BRINP1: variants seen among roughly 807,000 people sequenced by gnomAD.
BRINP1 encodes the protein BMP/retinoic acid inducible neural specific 1.
BRINP1 carries 17 observed loss-of-function variants against 72.9 expected under a neutral mutation model. The observed-to-expected ratio is 0.23, with a 90% CI of 0.16 to 0.35. The LOEUF is 0.35. Ranked by LOEUF, BRINP1 falls within the 10% of genes least tolerant of loss-of-function variation. BRINP1 has a pLI of 1.00. For missense variants in BRINP1, 850 were observed against 1,001.6 expected (o/e 0.85, Z 2.04); for synonymous variants, 418 against 378.5 (o/e 1.10, Z -1.21).
intron 5 of BRINP1, among the ~76,000 whole-genome samples, chr9:119,224,558 C>T (rs888946555): frequency 1.5e-4 from 23 of 152,116 alleles, no homozygotes; most frequent in East Asian, 3.9e-4. Context: ...TGTGTGGTAA[C>T]GAATAACCTC....
rs751225958 is a variant in BRINP1 at position 119,167,598 on chromosome 9, C to T, written c.1772G>A (p.Arg591His). The change falls in exon 8 of 8, where the codon CGT (arginine) becomes CAT (histidine). Residue 591 changes from arginine (R) to histidine (H), a missense_variant. Transcript: ENST00000265922. The surrounding 1 kb of genome is among the most constrained non-coding windows in gnomAD (Gnocchi z 4.3). ...GTTGTAGCACTGGCTGTTTTGGAGA[C>T]GGATCTTCTCCCAGCGTGGGTAGCC... is the stretch of plus-strand genomic sequence containing the variant. ...EFGYPRWEKIRLQNSQCYNWT... is the reference protein window; with the variant it reads ...EFGYPRWEKIHLQNSQCYNWT... 4.0e-5 allele frequency: 64 copies of T among 1,614,008 alleles called. No homozygotes were observed. The highest frequency in any genetic ancestry group is 4.7e-5 in the Non-Finnish European group (56 of 1,180,034).
At chr9:119,351,839 C>A (rs2119033390) in intron 1 of BRINP1, among the ~76,000 whole-genome samples, 1 of 151,054 alleles carries the variant, frequency 6.6e-6, no homozygotes, top group Non-Finnish European at 1.5e-5. Flanking sequence ...ATTTTTGGGA[C>A]AGAGTCTCAC....
intron 6 of BRINP1, among the ~76,000 whole-genome samples, chr9:119,211,375 T>G (rs1364242251): frequency 6.6e-6 from 1 of 152,112 alleles, no homozygotes; most frequent in Non-Finnish European, 1.5e-5. Flanking sequence ...TTTTGTAGTT[T>G]TAGTAGAGAC....
chr9:119,181,673 C>T (rs1343197310), intron 7 of BRINP1, among the ~76,000 whole-genome samples: 1 of 152,038 alleles, frequency 6.6e-6, no homozygotes, highest in African/African-American at 2.4e-5. Flanking sequence ...CTAAAACAGC[C>T]CAGTTGATCA....
rs773765362 is a variant in BRINP1 at position 119,167,765 on chromosome 9, C to G, written c.1605G>C (p.Met535Ile). Residue 535 changes from methionine to isoleucine, a missense_variant, in exon 8 of 8, where the codon ATG (methionine) becomes ATC (isoleucine). Transcript: ENST00000265922. The surrounding 1 kb of genome is among the most constrained non-coding windows in gnomAD (Gnocchi z 4.3). Reference protein sequence around the residue: ...SLTLKSNKNRMDFIHMVIGMS... With the variant: ...SLTLKSNKNRIDFIHMVIGMS... ...TGCCGATCACCATGTGGATGAAGTC[C>G]ATGCGGTTCTTGTTGCTCTTGAGAG... 1.2e-6 allele frequency: 2 copies of G among 1,614,110 alleles called. No individual in the cohort carries two copies. The highest frequency in any genetic ancestry group is 3.3e-5 in the Admixed American group (2 of 60,006).
chr9:119,313,049 T>G lies in BRINP1; in HGVS notation c.218+89A>C, dbSNP rs1250843556. On this transcript the variant is annotated intron_variant, in intron 2 of 7. Transcript: ENST00000265922. The stretch of plus-strand genomic sequence containing the variant: ...CACAGACCCTTGACCCAGACACTTC[T>G]GCACACAGCAAGGTTTGCACCAATC... 1.2e-5 allele frequency: 17 copies of G among 1,445,402 alleles called. No individual in the cohort carries two copies. The Admixed American group carries it at 3.5e-4, about 30-fold the overall frequency. 89.5% of individuals were successfully genotyped at this position (1,445,402 alleles called of 1,614,324 possible). A position where few individuals can be genotyped will look rare whatever the true frequency, so the allele number is the denominator to read the frequency against.
intron 1 of BRINP1, among the ~76,000 whole-genome samples, chr9:119,326,289 C>T (rs1280323228): frequency 2.0e-5 from 3 of 152,132 alleles, no homozygotes; most frequent in Non-Finnish European, 2.9e-5. Context: ...CACATCATCC[C>T]TAATTGTAGT....
intron 7 of BRINP1, among the ~76,000 whole-genome samples, chr9:119,179,022 A>G (rs2118835629): frequency 6.6e-6 from 1 of 152,258 alleles, no homozygotes; most frequent in African/African-American, 2.4e-5. Flanking sequence ...ACAAGTGCAT[A>G]GGGGGATGCT....
chr9:119,251,749 T>C (rs539054), intron 2 of BRINP1, among the ~76,000 whole-genome samples: 114,796 of 151,814 alleles, frequency 0.76, 43,607 homozygotes, highest in East Asian at 0.91. Flanking sequence ...AAGTAGTTGA[T>C]GGGATGTGGG....
At chr9:119,168,833 C>T (rs1374789333) in intron 7 of BRINP1, among the ~76,000 whole-genome samples, 1 of 152,126 alleles carries the variant, frequency 6.6e-6, no homozygotes, top group Non-Finnish European at 1.5e-5. Flanking sequence ...TATTTCCCAA[C>T]AGATGATGGA....
chr9:119,196,634 A>G (rs1242642530), intron 7 of BRINP1, among the ~76,000 whole-genome samples: 1 of 152,180 alleles, frequency 6.6e-6, no homozygotes, highest in Non-Finnish European at 1.5e-5. Flanking sequence ...ACCACTTACT[A>G]CATGCTAGGA....
chr9:119,173,270 C>T (rs1398372506), intron 7 of BRINP1, among the ~76,000 whole-genome samples: 1 of 150,616 alleles, frequency 6.6e-6, no homozygotes, highest in Admixed American at 6.6e-5. Context: ...AGCTGATAAG[C>T]AACTTCAGCA....
At chr9:119,211,471 A>G (rs1829927211) in intron 6 of BRINP1, among the ~76,000 whole-genome samples, 1 of 138,714 alleles carries the variant, frequency 7.2e-6, no homozygotes, top group Admixed American at 6.8e-5. Flanking sequence ...TGCTGGGATT[A>G]CAGGCATGAG....
intron 1 of BRINP1, among the ~76,000 whole-genome samples, chr9:119,341,076 C>T (rs1479297231): frequency 6.6e-6 from 1 of 152,126 alleles, no homozygotes; most frequent in Non-Finnish European, 1.5e-5. Context: ...ACAGTCTAGA[C>T]TCATGCCTTT....
rs369150210 is a variant in BRINP1, at chr9:119,222,533, T to G, written c.686-8378A>C. Among the ~76,000 whole-genome samples the G allele has an allele frequency of 5.3e-5, 8 of 152,008 alleles. No individual in the cohort carries two copies. In the East Asian group the frequency reaches 1.5e-3, roughly 29 times the overall value. The stretch of plus-strand genomic sequence containing the variant: ...CTGACTTTTCTATGATTCTGCTCTG[T>G]GCTGTTGTTTATTCATTTGTCAAGC... On this transcript the variant is annotated intron_variant, in intron 5 of 7. Transcript: ENST00000265922.
intron 7 of BRINP1, among the ~76,000 whole-genome samples, chr9:119,169,675 G>A (rs1450820525): frequency 3.9e-5 from 6 of 152,220 alleles, no homozygotes; most frequent in Non-Finnish European, 8.8e-5. Context: ...ACCTCTGGGG[G>A]CAGGGCACAG....
intron 6 of BRINP1, among the ~76,000 whole-genome samples, chr9:119,209,367 C>G (rs1367859479): frequency 6.6e-6 from 1 of 152,078 alleles, no homozygotes; most frequent in Non-Finnish European, 1.5e-5. Flanking sequence ...GCCAGGAGTT[C>G]TAGACCAGCC....
chr9:119,361,598 C>T (rs143759733), intron 1 of BRINP1, among the ~76,000 whole-genome samples: 755 of 151,052 alleles, frequency 5.0e-3, no homozygotes, highest in Admixed American at 7.3e-3. Flanking sequence ...AGAACTTTGT[C>T]ATGCAACATA....
At chr9:119,268,300 A>ACAGATAGATAGATAGG (rs1401394035) in intron 2 of BRINP1, among the ~76,000 whole-genome samples, 1 of 150,706 alleles carries the variant, frequency 6.6e-6, no homozygotes, top group Non-Finnish European at 1.5e-5. Flanking sequence ...AGATAGATAG[A>ACAGATAGATAGATAGG]TAAAAGTGTT....
Sources: allele counts gnomAD v4.1 joint callset (sites outside exome capture counted in the v4.1 genomes callset), GRCh38; gene constraint gnomAD v4.1.1; non-coding constraint Gnocchi (gnomAD v3.1); transcripts MANE v1.5; gene names NCBI Gene and HGNC (gene_info 2026-07-23, HGNC 2026-07-21).